Variants in CCNK observed in about 807,000 individuals in gnomAD.
CCNK encodes cyclin-K.
In CCNK, 9 loss-of-function variants were observed where a neutral mutation model predicts 65.0. The ratio of observed to expected loss-of-function variants is 0.14; its 90% CI spans 0.08 to 0.24. CCNK has a LOEUF of 0.24. Among genes scored for constraint, CCNK ranks in the 10% least tolerant of loss-of-function variants. The pLI, the probability that CCNK is intolerant of heterozygous loss-of-function variation, is 1.00. For missense variants in CCNK, 474 were observed against 720.0 expected (o/e 0.66, Z 3.91); for synonymous variants, 279 against 270.8 (o/e 1.03, Z -0.30).
intron 7 of CCNK, 52 bp downstream of exon 7, chr14:99,502,428 CT>C (rs1896855640): frequency 6.3e-7 from 1 of 1,587,532 alleles, no homozygotes; most frequent in South Asian, 1.2e-5. Context: ...TGAGATGATT[CT>C]TCCATGTGTA....
chr14:99,510,816 A>G lies in CCNK; in HGVS notation c.*34A>G. The G allele has an allele frequency of 7.2e-7, 1 of 1,396,640 alleles. No individual in the cohort carries two copies. The highest frequency in any genetic ancestry group is 9.3e-7 in the Non-Finnish European group (1 of 1,073,796). The allele number at this position is 1,396,640 out of a possible 1,614,324, so 86.5% of individuals were successfully genotyped here. Reference sequence around the variant, plus strand: ...TTTTTTCCCTCTTTGTTTTTTTAACAAGATTTTCTAATCGACTTGCAGAGT... The same window carrying G: ...TTTTTTCCCTCTTTGTTTTTTTAACGAGATTTTCTAATCGACTTGCAGAGT... On this transcript the variant is annotated 3_prime_UTR_variant, in exon 11 of 11. Coordinates refer to ENST00000389879, the MANE Select transcript of CCNK (RefSeq NM_001099402.2).
chr14:99,490,732 C>T (rs998400590), intron 1 of CCNK, among the ~76,000 whole-genome samples: 15 of 152,046 alleles, frequency 9.9e-5, no homozygotes, highest in African/African-American at 2.9e-4. Flanking sequence ...TCCAGACCAT[C>T]CCGGCTAACA....
At chr14:99,503,988 A>G (rs978910805) in intron 9 of CCNK, 12 of 363,814 alleles carry the variant, frequency 3.3e-5, no homozygotes, top group Middle Eastern at 8.2e-4. Context: ...TCTCCCAAGC[A>G]CCAAGCCACA....
Position 99,495,369 on chromosome 14 carries a change from A to G in CCNK, c.280-129A>G, listed in dbSNP as rs149578077. ...CTTCAAGCTTCTAGAGTATCGGAGT[A>G]TTTGTGAATGATAAAAAGAAAGGTA... On this transcript the variant is annotated intron_variant, in intron 3 of 10. Coordinates refer to ENST00000389879, the MANE Select transcript of CCNK (RefSeq NM_001099402.2). 651 of 692,228 alleles carry G rather than the reference A, an allele frequency of 9.4e-4. 1 individual carries two copies. The African/African-American group carries it at 0.01, about 11-fold the overall frequency. The allele number at this position is 692,228 out of a possible 1,614,324, so 42.9% of individuals were successfully genotyped here.
Position 99,500,913 on chromosome 14 carries a change from C to A in CCNK, c.517+42C>A. ...CAGAAGAATTTTTTCATTCTGAAAT[C>A]AAGTCTTTATAATTTGATGACACTC... On this transcript the variant is annotated intron_variant, in intron 5 of 10. Transcript: ENST00000389879. The A allele has an allele frequency of 3.3e-6, 4 of 1,218,414 alleles. No homozygotes were observed. In the South Asian group the frequency reaches 4.1e-5, roughly 13 times the overall value. 75.5% of individuals were successfully genotyped at this position (1,218,414 alleles called of 1,614,324 possible).
At chr14:99,486,206 T>C (rs1469534939) in intron 1 of CCNK, among the ~76,000 whole-genome samples, 1 of 152,228 alleles carries the variant, frequency 6.6e-6, no homozygotes, top group African/African-American at 2.4e-5. Context: ...AAAGCTGACA[T>C]CCCATGGTTT....
chr14:99,492,909 G>A (rs1276808607), intron 2 of CCNK, 35 bp downstream of exon 2: 1 of 1,501,880 alleles, frequency 6.7e-7, no homozygotes, highest in Non-Finnish European at 8.9e-7. Flanking sequence ...GTTACAGATA[G>A]GCTCCCCACT....
chr14:99,500,846 A>G lies in CCNK; in HGVS notation c.492A>G (p.Leu164=), dbSNP rs1896805331. ...DLQVEHPYQF[L]LKYAKQLKGD... ...AGGTAGAACATCCATACCAGTTCCT[A>G]CTAAAATATGCAAAGCAACTCAAAG... Residue 164 remains leucine, a synonymous_variant, in exon 5 of 11, where the codon CTA becomes CTG. Transcript: ENST00000389879. 4 of 1,553,250 alleles carry G rather than the reference A, an allele frequency of 2.6e-6. No homozygotes were observed. The highest frequency in any genetic ancestry group is 1.2e-5 in the South Asian group (1 of 82,670).
At chr14:99,509,626 C>A (rs1468244080) in intron 10 of CCNK, 7 of 164,134 alleles carry the variant, frequency 4.3e-5, no homozygotes, top group Admixed American at 3.9e-4. Flanking sequence ...GATGTAGCCT[C>A]TCTTGAGTAG....
chr14:99,509,480 C>A (rs953502700), intron 10 of CCNK: 1 of 147,068 alleles, frequency 6.8e-6, no homozygotes, highest in Non-Finnish European at 1.5e-5. Flanking sequence ...CTAGTGCTGC[C>A]TGTCCCTGCT....
At chr14:99,500,689 A>G (rs1198460837) in intron 4 of CCNK, 77 bp from the exon 5 acceptor site, 11 of 926,576 alleles carry the variant, frequency 1.2e-5, no homozygotes, top group Non-Finnish European at 1.9e-5. Flanking sequence ...ATAAATAGAC[A>G]GGAAAGCTCA....
chr14:99,502,795 A>G lies in CCNK; in HGVS notation c.822A>G (p.Gln274=). ...CTCATCACACCCCCCATCAGCTGCA[A>G]CAGCCCCCATCTCTTCAGCCTACAC... The part of the protein sequence containing the change: ...QMPHHTPHQL[Q]QPPSLQPTPQ... Residue 274 remains glutamine, a synonymous_variant, in exon 8 of 11, where the codon CAA becomes CAG. Coordinates refer to ENST00000389879, the MANE Select transcript of CCNK (RefSeq NM_001099402.2). The G allele has an allele frequency of 6.2e-7, 1 of 1,613,804 alleles. No individual in the cohort carries two copies. Among genetic ancestry groups the G allele is most frequent in the Non-Finnish European group, 8.5e-7 (1 of 1,179,888 alleles).
intron 9 of CCNK, chr14:99,506,174 G>A (rs1896970828): frequency 6.6e-6 from 1 of 152,252 alleles, no homozygotes; most frequent in South Asian, 2.1e-4. Context: ...GAGAGAGGAA[G>A]TCCCTGGAAC....
intron 8 of CCNK, 71 bp from the exon 9 acceptor site, chr14:99,503,540 C>T: frequency 7.4e-7 from 1 of 1,358,442 alleles, no homozygotes; most frequent in Non-Finnish European, 1.0e-6. Flanking sequence ...CTGGTGGTAC[C>T]TGGATAATCC....
Position 99,510,161 on chromosome 14 carries a change from G to C in CCNK, c.1122G>C (p.Arg374=). ...PLPPAHPPPD[R]KPPLAAALGE... ...TGATGCGTCTCTCTCCTGCAGACCG[G>C]AAGCCTCCCCTCGCTGCTGCCTTAG... Residue 374 remains arginine (R), a synonymous_variant, in exon 11 of 11, where the codon CGG becomes CGC. Coordinates refer to ENST00000389879, the MANE Select transcript of CCNK (RefSeq NM_001099402.2). The C allele has an allele frequency of 1.9e-6, 3 of 1,596,424 alleles. No individual in the cohort carries two copies. In the African/African-American group the frequency reaches 4.0e-5, roughly 21 times the overall value.
At chr14:99,487,487 T>C (rs151304068) in intron 1 of CCNK, among the ~76,000 whole-genome samples, 56 of 152,258 alleles carry the variant, frequency 3.7e-4, no homozygotes, top group African/African-American at 1.3e-3. Flanking sequence ...GGCAAAATTG[T>C]CCCAGGTTTA....
chr14:99,501,295 C>T, intron 5 of CCNK, 61 bp from the exon 6 acceptor site: 1 of 1,087,126 alleles, frequency 9.2e-7, no homozygotes, highest in South Asian at 1.3e-5. Flanking sequence ...TTAATAAATA[C>T]TTGATGCTGC....
intron 10 of CCNK, chr14:99,507,374 C>G: frequency 3.8e-6 from 2 of 526,542 alleles, no homozygotes; most frequent in South Asian, 2.1e-5. Context: ...CCCAGGAGTT[C>G]GAGGTCAGCC....
intron 1 of CCNK, among the ~76,000 whole-genome samples, chr14:99,487,978 T>C (rs1250863903): frequency 6.6e-6 from 1 of 152,172 alleles, no homozygotes; most frequent in East Asian, 1.9e-4. Context: ...CAACTTTTTA[T>C]TGTATGAAAG....
Sources: allele counts gnomAD v4.1 joint callset (sites outside exome capture counted in the v4.1 genomes callset), GRCh38; gene constraint gnomAD v4.1.1; transcripts MANE v1.5; gene names NCBI Gene and HGNC (gene_info 2026-07-23, HGNC 2026-07-21).